Variants in AMMECR1 observed in about 807,000 individuals in gnomAD.
AMMECR1 encodes nuclear protein AMMECR1.
A neutral mutation model predicts 22.5 loss-of-function variants in AMMECR1; 3 were observed. That is an observed-to-expected ratio of 0.13 (90% CI 0.06 to 0.35). The LOEUF is 0.35. Among genes scored for constraint, AMMECR1 ranks in the 10% least tolerant of loss-of-function variants. The pLI is 1.00. For synonymous variants in AMMECR1, 130 were observed against 116.7 expected, an observed-to-expected ratio of 1.11 and a Z score of -0.74; for missense variants, 235 against 278.7, an observed-to-expected ratio of 0.84 and a Z score of 1.12.
chrX:110,277,511 T>C (rs750240599), intron 1 of AMMECR1, among the ~76,000 whole-genome samples: 2 of 111,225 alleles, frequency 1.8e-5, no homozygotes, highest in Non-Finnish European at 3.8e-5. Context: ...GGCACATGTA[T>C]ACATATGTAA....
intron 2 of AMMECR1, among the ~76,000 whole-genome samples, chrX:110,263,014 T>C (rs1025334750): frequency 2.7e-5 from 3 of 111,222 alleles, no homozygotes; most frequent in Admixed American, 9.6e-5. Context: ...TTTCCCAAAC[T>C]TATTTGGTCA....
intron 2 of AMMECR1, among the ~76,000 whole-genome samples, chrX:110,373,482 A>G (rs1485290476): frequency 1.8e-5 from 2 of 111,878 alleles, no homozygotes; most frequent in Non-Finnish European, 3.8e-5. Context: ...TCAGAGTCCA[A>G]TTCTTACGGA....
At chrX:110,251,739 C>T (rs1320589377) in intron 2 of AMMECR1, among the ~76,000 whole-genome samples, 1 of 111,670 alleles carries the variant, frequency 9.0e-6, no homozygotes, top group African/African-American at 3.3e-5. Flanking sequence ...GAAATATAGA[C>T]TGATAGCGTT....
At chrX:110,340,371 A>G (rs1005316810) in intron 2 of AMMECR1, among the ~76,000 whole-genome samples, 1 of 112,035 alleles carries the variant, frequency 8.9e-6, no homozygotes, top group Non-Finnish European at 1.9e-5. Context: ...GTCTCTCCCT[A>G]CTCTCATTAA....
At chrX:110,411,216 G>T (rs983444170) in intron 2 of AMMECR1, among the ~76,000 whole-genome samples, 1 of 111,951 alleles carries the variant, frequency 8.9e-6, no homozygotes, top group African/African-American at 3.3e-5. Context: ...AGAGAATGGA[G>T]CTGTGATGAG....
chrX:110,379,537 C>T lies in AMMECR1; in HGVS notation c.-148+47121G>A, dbSNP rs762132029. 3.6e-5 allele frequency among the ~76,000 whole-genome samples: 4 copies of T among 111,852 alleles called. No homozygotes were observed. The East Asian group carries it at 8.4e-4, about 24-fold the overall frequency. On this transcript the variant is annotated intron_variant, in intron 2 of 7. Coordinates refer to the AMMECR1 transcript ENST00000372057. ...CCTTCTTTAAAGTGACTCAACTTCC[C>T]AAGCATGTGATTTTACGTATTTTAA...
chrX:110,262,080 C>T (rs1460933825), intron 2 of AMMECR1, among the ~76,000 whole-genome samples: 5 of 111,504 alleles, frequency 4.5e-5, no homozygotes, highest in East Asian at 5.5e-4. Context: ...TAACATAATA[C>T]GTAAAAATGA....
chrX:110,425,335 C>T (rs966472432), intron 2 of AMMECR1, among the ~76,000 whole-genome samples: 1 of 112,255 alleles, frequency 8.9e-6, no homozygotes, highest in Admixed American at 9.4e-5. Context: ...TACCTTCTTC[C>T]TTCACCTTCC....
At chrX:110,250,882 C>T (rs1305478736) in intron 2 of AMMECR1, among the ~76,000 whole-genome samples, 3 of 111,951 alleles carry the variant, frequency 2.7e-5, no homozygotes, top group African/African-American at 9.7e-5. Flanking sequence ...TCACATAGTG[C>T]ATCTTCAGTC....
chrX:110,305,797 A>C (rs1160333016), intron 1 of AMMECR1, among the ~76,000 whole-genome samples: 1 of 110,596 alleles, frequency 9.0e-6, no homozygotes, highest in Non-Finnish European at 1.9e-5. Context: ...ACATTTCCTC[A>C]GAAACCCCAT....
At chrX:110,257,668 G>A (rs949223102) in intron 2 of AMMECR1, among the ~76,000 whole-genome samples, 1 of 111,520 alleles carries the variant, frequency 9.0e-6, no homozygotes, top group Non-Finnish European at 1.9e-5. Context: ...AGTGAACTAG[G>A]GATGAACCAA....
intron 2 of AMMECR1, among the ~76,000 whole-genome samples, chrX:110,262,490 C>T (rs2067747071): frequency 8.9e-6 from 1 of 112,176 alleles, no homozygotes; most frequent in African/African-American, 3.2e-5. Context: ...TTTCCAACTT[C>T]AAGTATTTGA....
intron 2 of AMMECR1, among the ~76,000 whole-genome samples, chrX:110,325,566 A>C (rs1380160362): frequency 2.7e-5 from 3 of 112,065 alleles, no homozygotes; most frequent in Non-Finnish European, 5.6e-5. Context: ...CTTCTGGTTT[A>C]TCTAATTTGT....
intron 2 of AMMECR1, among the ~76,000 whole-genome samples, chrX:110,335,765 A>T (rs1264217874): frequency 8.9e-6 from 1 of 112,132 alleles, no homozygotes; most frequent in African/African-American, 3.2e-5. Flanking sequence ...TCCCTAATTC[A>T]TCATGTACAT....
intron 2 of AMMECR1, among the ~76,000 whole-genome samples, chrX:110,390,368 A>G (rs6567861): frequency 0.074 from 8,353 of 112,236 alleles, 464 homozygotes; most frequent in African/African-American, 0.19. Flanking sequence ...ATTTAATTGC[A>G]TTTAAATATA....
rs1012212346 is a variant in AMMECR1, at chrX:110,363,487, G to A, written c.-147-45638C>T. On this transcript the variant is annotated intron_variant, in intron 2 of 7. Transcript: ENST00000372057. ...TCATTAAGGAGTAATGCTCTAAAAT[G>A]TAATCAGTGGAAAACACAACTGTAG... Among the ~76,000 whole-genome samples the A allele has an allele frequency of 5.4e-5, 6 of 112,091 alleles. No individual in the cohort carries two copies. In the Admixed American group the frequency reaches 5.7e-4, roughly 11 times the overall value.
chrX:110,367,465 C>A (rs183507233), intron 2 of AMMECR1, among the ~76,000 whole-genome samples: 51 of 111,323 alleles, frequency 4.6e-4, no homozygotes, highest in African/African-American at 1.6e-3. Flanking sequence ...CGCCCAACAG[C>A]GGCATTTGAC....
intron 2 of AMMECR1, among the ~76,000 whole-genome samples, chrX:110,359,577 T>C (rs2068249367): frequency 1.8e-5 from 2 of 111,774 alleles, no homozygotes; most frequent in South Asian, 7.5e-4. Context: ...TGATTCTGAA[T>C]CTAATGTTCT....
At chrX:110,285,086 G>A (rs780700137) in intron 1 of AMMECR1, among the ~76,000 whole-genome samples, 43 of 111,753 alleles carry the variant, frequency 3.8e-4, no homozygotes, top group Non-Finnish European at 7.5e-4. Context: ...TGTCCCACTA[G>A]ACTATAAGCT....
Sources: allele counts gnomAD v4.1 joint callset (sites outside exome capture counted in the v4.1 genomes callset), GRCh38; gene constraint gnomAD v4.1.1; transcripts MANE v1.5; gene names NCBI Gene and HGNC (gene_info 2026-07-23, HGNC 2026-07-21).